Variants in WDR36 observed in about 807,000 individuals in gnomAD.
WDR36 encodes WD repeat domain 36, also known as WD repeat-containing protein 36.
Under a neutral mutation model 112.7 loss-of-function variants are expected in WDR36, and 63 were observed. The ratio of observed to expected loss-of-function variants is 0.56; its 90% CI spans 0.46 to 0.69. The LOEUF (loss-of-function observed/expected upper bound fraction) is 0.69, where lower values mean the gene tolerates loss of function less well. Among genes scored for constraint, WDR36 ranks in the 30% least tolerant of loss-of-function variants. The pLI, the probability that WDR36 is intolerant of heterozygous loss-of-function variation, is 0.00. For synonymous variants in WDR36, 410 were observed against 362.2 expected, an observed-to-expected ratio of 1.13 and a Z score of -1.50; for missense variants, 1,226 against 1,070.3, an observed-to-expected ratio of 1.15 and a Z score of -2.03.
rs1753360554 is a variant in WDR36, at chr5:111,112,459, C to G, written c.1717-615C>G. ...TCCCAGTATCATCTACTAATTTAAA[C>G]TGATGGATGAACAGTCTACTACAAC... On this transcript the variant is annotated intron_variant, in intron 15 of 22. Transcript: ENST00000513710. 2.6e-5 allele frequency among the ~76,000 whole-genome samples: 4 copies of G among 151,956 alleles called. 1 individual carries two copies. In the South Asian group the frequency reaches 8.3e-4, roughly 31 times the overall value.
At chr5:111,119,439 T>C (rs1753521687) in intron 17 of WDR36, among the ~76,000 whole-genome samples, 1 of 152,184 alleles carries the variant, frequency 6.6e-6, no homozygotes, top group Admixed American at 6.6e-5. Context: ...TTCCTGCCAG[T>C]ATCCCACAAC....
At chr5:111,094,756 A>G (rs1040863136) in intron 1 of WDR36, among the ~76,000 whole-genome samples, 164 bp from the exon 2 acceptor site, 3 of 152,164 alleles carry the variant, frequency 2.0e-5, no homozygotes, top group African/African-American at 7.2e-5. Context: ...ATACAGTTGA[A>G]AATATAAACT....
chr5:111,113,092 C>A lies in WDR36; in HGVS notation c.1735C>A (p.Arg579Ser). Residue 579 changes from arginine to serine, a missense_variant, in exon 16 of 23, where the codon CGT becomes AGT. Transcript: ENST00000513710. ...TTTAAAGGCTTTTAGTCCTGATGGT[C>A]GTTGGTTAATAAGTGCTGCGATGGA... ...INDMAFSPDG[R>S]WLISAAMDCS... 1.4e-6 allele frequency: 2 copies of A among 1,467,456 alleles called. No individual in the cohort carries two copies. Among genetic ancestry groups the A allele is most frequent in the South Asian group, 2.9e-5 (2 of 68,504 alleles). 90.9% of individuals were successfully genotyped at this position (1,467,456 alleles called of 1,614,324 possible).
intron 16 of WDR36, among the ~76,000 whole-genome samples, chr5:111,117,881 G>A (rs1349471616): frequency 6.6e-6 from 1 of 152,122 alleles, no homozygotes; most frequent in Non-Finnish European, 1.5e-5. Context: ...GCCAGCCTAA[G>A]GGGTCTTTCA....
chr5:111,107,522 ATAT>A, intron 12 of WDR36, 83 bp downstream of exon 12: 1 of 1,547,712 alleles, frequency 6.5e-7, no homozygotes, highest in Non-Finnish European at 8.8e-7. Context: ...TCTCATCATA[ATAT>A]TGACTGAAAA....
chr5:111,126,961 A>T lies in WDR36; in HGVS notation c.*78A>T. ...CTCATTTCTTATTTTCCAAGTGTCA[A>T]TGTGAAAAGAAAATAAATGCTAGCA... On this transcript the variant is annotated 3_prime_UTR_variant, in exon 23 of 23. Transcript: ENST00000513710. 7.4e-7 allele frequency: 1 copy of T among 1,358,808 alleles called. No individual in the cohort carries two copies. Among genetic ancestry groups the T allele is most frequent in the South Asian group, 1.5e-5 (1 of 68,504 alleles). The allele number at this position is 1,358,808 out of a possible 1,614,324, so 84.2% of individuals were successfully genotyped here. A position where few individuals can be genotyped will look rare whatever the true frequency, so the allele number is the denominator to read the frequency against.
In WDR36 at chr5:111,095,468, C is replaced by G. The variant is rs529574315; in HGVS notation, c.190+521C>G. On this transcript the variant is annotated intron_variant, in intron 2 of 22. Coordinates refer to ENST00000513710, the MANE Select transcript of WDR36 (RefSeq NM_139281.3). Reference sequence around the variant, plus strand: ...TCTTAGTACTCTTCAAAGTTATTACCTGCTGCTTTTATATTTTATGATGAT... The same window carrying G: ...TCTTAGTACTCTTCAAAGTTATTACGTGCTGCTTTTATATTTTATGATGAT... Among the ~76,000 whole-genome samples the G allele has an allele frequency of 2.0e-5, 3 of 152,240 alleles. No individual in the cohort carries two copies. The East Asian group carries it at 5.8e-4, about 29-fold the overall frequency.
chr5:111,099,451 G>GGTTTTTTTTTTT (rs1753068396), intron 4 of WDR36, among the ~76,000 whole-genome samples: 2 of 55,640 alleles, frequency 3.6e-5, no homozygotes, highest in African/African-American at 1.2e-4. Context: ...GTTTTTTTTT[G>GGTTTTTTTTTTT]TTTTTTTTTT....
At chr5:111,117,295 C>A (rs1753474528) in intron 16 of WDR36, among the ~76,000 whole-genome samples, 1 of 152,090 alleles carries the variant, frequency 6.6e-6, no homozygotes, top group African/African-American at 2.4e-5. Flanking sequence ...TTCTTTCCAT[C>A]TTGCATTCAT....
intron 16 of WDR36, among the ~76,000 whole-genome samples, chr5:111,115,470 A>G (rs1184680194): frequency 6.6e-6 from 1 of 152,200 alleles, no homozygotes; most frequent in Admixed American, 6.5e-5. Flanking sequence ...GACTTAGTTT[A>G]TAAATGACAG....
intron 4 of WDR36, among the ~76,000 whole-genome samples, chr5:111,099,932 G>T (rs1489096997): frequency 6.6e-6 from 1 of 151,952 alleles, no homozygotes; most frequent in Non-Finnish European, 1.5e-5. Context: ...AATCATGGAG[G>T]AACTGTAAAG....
chr5:111,104,876 A>G, intron 9 of WDR36, 59 bp downstream of exon 9: 1 of 1,606,430 alleles, frequency 6.2e-7, no homozygotes, highest in Non-Finnish European at 8.5e-7. Flanking sequence ...GTGGGTGCCC[A>G]GTATGAGGTT....
At chr5:111,121,249 A>G in intron 19 of WDR36, 108 bp downstream of exon 19, 11 of 1,181,510 alleles carry the variant, frequency 9.3e-6, no homozygotes, top group African/African-American at 1.5e-5. Context: ...AGAGCAATTA[A>G]TATGTAAGAC....
rs1753697485 is a variant in WDR36, at chr5:111,127,479, T to C, written c.*596T>C. ...CGGTGGCCTTTGATAAAAATATGAA[T>C]GATTGACTCTCAGAGTTGGAGGATA... On this transcript the variant is annotated 3_prime_UTR_variant, in exon 23 of 23. Coordinates refer to ENST00000513710, the MANE Select transcript of WDR36 (RefSeq NM_139281.3). 4.8e-6 allele frequency: 1 copy of C among 206,250 alleles called. No homozygotes were observed. The allele number at this position is 206,250 out of a possible 1,614,324, so 12.8% of individuals were successfully genotyped here. A position where few individuals can be genotyped will look rare whatever the true frequency, so the allele number is the denominator to read the frequency against.
rs139739354 is a variant in WDR36 at position 111,111,048 on chromosome 5, T to C, written c.1607+95T>C. On this transcript the variant is annotated intron_variant, in intron 14 of 22. Transcript: ENST00000513710. ...AAGTGGGAAAAATCAGACTCTTTAA[T>C]AAAGAACAACATTTGGCTTAATTTC... is the stretch of plus-strand genomic sequence containing the variant. 399 of 1,560,360 alleles carry C rather than the reference T, an allele frequency of 2.6e-4. 1 individual carries two copies. The African/African-American group carries it at 5.0e-3, about 19-fold the overall frequency.
chr5:111,115,976 T>A (rs1045203831), intron 16 of WDR36, among the ~76,000 whole-genome samples: 1 of 152,268 alleles, frequency 6.6e-6, no homozygotes, highest in African/African-American at 2.4e-5. Flanking sequence ...CAAGTCTTGC[T>A]CTGTCGCCCA....
rs1342216660 is a variant in WDR36, at chr5:111,127,620, A to G, written c.*737A>G. On this transcript the variant is annotated 3_prime_UTR_variant, in exon 23 of 23. Transcript: ENST00000513710. ...CTAACAGTGGCCTAGTGCTTTCTCC[A>G]TTGTAATGTACTGAAAGGAAGTTGT... The G allele has an allele frequency of 1.9e-5, 4 of 209,820 alleles. No homozygotes were observed. The highest frequency in any genetic ancestry group is 2.9e-5 in the Non-Finnish European group (3 of 103,142). 13.0% of individuals were successfully genotyped at this position (209,820 alleles called of 1,614,324 possible). A position where few individuals can be genotyped will look rare whatever the true frequency, so the allele number is the denominator to read the frequency against.
At chr5:111,124,267 T>C (rs1753631169) in intron 21 of WDR36, 78 bp downstream of exon 21, 18 of 1,178,218 alleles carry the variant, frequency 1.5e-5, no homozygotes, top group Non-Finnish European at 2.1e-5. Flanking sequence ...GAAGGAAATA[T>C]CAGCGTTCTC....
In WDR36 at chr5:111,123,944, A is replaced by T. The variant is rs773046134; in HGVS notation, c.2268+20A>T. 1.9e-6 allele frequency: 3 copies of T among 1,613,176 alleles called. No homozygotes were observed. The East Asian group carries it at 6.7e-5, about 36-fold the overall frequency. On this transcript the variant is annotated intron_variant, in intron 20 of 22. Transcript: ENST00000513710. ...CAGCAGGTAAAAAACAAATTAGAAG[A>T]TTCTAAGTATATCGGTGTATGTTTG...
Sources: gnomAD v4.1 joint callset for allele counts (sites outside exome capture counted in the v4.1 genomes callset) on GRCh38, gnomAD v4.1.1 for gene constraint, MANE v1.5 for transcripts, NCBI Gene and HGNC (gene_info 2026-07-23, HGNC 2026-07-21) for gene names.